Variants in STPG2 observed in about 807,000 individuals in gnomAD.
The protein encoded by STPG2 is sperm-tail PG-rich repeat-containing protein 2.
In STPG2, 56 loss-of-function variants were observed where a neutral mutation model predicts 54.2. That is an observed-to-expected ratio of 1.03 (90% CI 0.83 to 1.29). The LOEUF is 1.29. STPG2 is among the 50% of genes most tolerant of loss of function. The pLI is 0.00. For missense variants in STPG2, 596 were observed against 544.9 expected, an observed-to-expected ratio of 1.09 and a Z score of -0.93; for synonymous variants, 200 against 181.8, an observed-to-expected ratio of 1.10 and a Z score of -0.81.
intron 8 of STPG2, among the ~76,000 whole-genome samples, chr4:97,861,245 C>G (rs1047100507): frequency 6.6e-6 from 1 of 151,978 alleles, no homozygotes. Context: ...AAAAAATGCT[C>G]AATATCACTG....
chr4:97,570,874 G>C (rs970857227), intron 10 of STPG2, among the ~76,000 whole-genome samples: 1 of 152,094 alleles, frequency 6.6e-6, no homozygotes, highest in African/African-American at 2.4e-5. Context: ...ACATATCTGT[G>C]AAATATACGC....
At chr4:97,773,127 C>T (rs910070929) in intron 9 of STPG2, among the ~76,000 whole-genome samples, 1 of 152,034 alleles carries the variant, frequency 6.6e-6, no homozygotes, top group African/African-American at 2.4e-5. Flanking sequence ...TTTATGCTTT[C>T]TTAGTTTCAA....
chr4:98,026,638 G>C (rs1378899455), intron 5 of STPG2, among the ~76,000 whole-genome samples: 1 of 152,150 alleles, frequency 6.6e-6, no homozygotes, highest in Non-Finnish European at 1.5e-5. Flanking sequence ...CATTACTTCA[G>C]TTGATAACTA....
chr4:97,924,408 C>G (rs1170230552), intron 8 of STPG2, among the ~76,000 whole-genome samples: 1 of 152,194 alleles, frequency 6.6e-6, no homozygotes, highest in Non-Finnish European at 1.5e-5. Flanking sequence ...CCCCTAAAAA[C>G]TCCCAATGGG....
intron 5 of STPG2, among the ~76,000 whole-genome samples, chr4:97,984,718 G>A (rs192797695): frequency 1.8e-3 from 268 of 152,218 alleles, no homozygotes; most frequent in African/African-American, 6.1e-3. Context: ...TTTTTGAAGT[G>A]TAGTCAAAGA....
At chr4:97,998,888 G>A (rs1735325743) in intron 5 of STPG2, among the ~76,000 whole-genome samples, 1 of 152,168 alleles carries the variant, frequency 6.6e-6, no homozygotes, top group Non-Finnish European at 1.5e-5. Flanking sequence ...CCTGATCCAA[G>A]ACAGAAAGCA....
intron 5 of STPG2, among the ~76,000 whole-genome samples, chr4:98,028,493 A>T (rs1172908247): frequency 6.6e-6 from 1 of 152,224 alleles, no homozygotes; most frequent in East Asian, 1.9e-4. Context: ...AATAGTTTCA[A>T]ATAATGTCTT....
chr4:97,690,735 C>T (rs1445237946), intron 10 of STPG2, among the ~76,000 whole-genome samples: 1 of 152,070 alleles, frequency 6.6e-6, no homozygotes, highest in Non-Finnish European at 1.5e-5. Context: ...ATTAATATTT[C>T]TTTCTTTCAA....
At chr4:98,108,952 C>G (rs1578173750) in intron 4 of STPG2, among the ~76,000 whole-genome samples, 1 of 152,062 alleles carries the variant, frequency 6.6e-6, no homozygotes, top group South Asian at 2.1e-4. Context: ...ATGGGTGCAG[C>G]AAAACACTAT....
At chr4:98,134,284 T>C (rs1475085473) in intron 2 of STPG2, 63 bp downstream of exon 2, 2 of 797,434 alleles carry the variant, frequency 2.5e-6, no homozygotes, top group Non-Finnish European at 3.7e-6. Context: ...ACAAATGACA[T>C]TTGGTCTATT....
At chr4:97,859,983 C>T (rs1329458463) in intron 8 of STPG2, among the ~76,000 whole-genome samples, 1 of 152,178 alleles carries the variant, frequency 6.6e-6, no homozygotes, top group Non-Finnish European at 1.5e-5. Context: ...GAGCAGGGTT[C>T]CTTCTTTCTC....
intron 9 of STPG2, among the ~76,000 whole-genome samples, chr4:97,724,089 A>T (rs1054552465): frequency 3.3e-5 from 5 of 152,168 alleles, no homozygotes; most frequent in Non-Finnish European, 5.9e-5. Context: ...TCTGTCTCTG[A>T]ATTTTCTGTT....
chr4:97,807,824 A>G (rs1472050283), intron 9 of STPG2, among the ~76,000 whole-genome samples: 1 of 152,020 alleles, frequency 6.6e-6, no homozygotes, highest in Non-Finnish European at 1.5e-5. Flanking sequence ...AGGATACAAA[A>G]AACAAAAATA....
chr4:97,540,887 G>T (rs562750960), intron 4 of STPG2, among the ~76,000 whole-genome samples: 2 of 152,254 alleles, frequency 1.3e-5, no homozygotes, highest in South Asian at 4.2e-4. Flanking sequence ...TATCTCAATA[G>T]ATGCAGAAAA....
intron 9 of STPG2, 26 bp from the exon 10 acceptor site, chr4:97,712,840 A>G (rs1724168753): frequency 2.1e-6 from 3 of 1,460,442 alleles, no homozygotes; most frequent in Non-Finnish European, 2.8e-6. Flanking sequence ...TGTAAAAATT[A>G]TGATAAAGTA....
At chr4:98,045,664 C>T (rs1325498409) in intron 5 of STPG2, among the ~76,000 whole-genome samples, 3 of 152,102 alleles carry the variant, frequency 2.0e-5, no homozygotes, top group African/African-American at 7.2e-5. Flanking sequence ...GATTATATTA[C>T]CCTACTCCCT....
chr4:97,744,380 G>A lies in STPG2; in HGVS notation c.1205-31566C>T, dbSNP rs559301585. 3.3e-5 allele frequency among the ~76,000 whole-genome samples: 5 copies of A among 151,236 alleles called. No homozygotes were observed. The South Asian group carries it at 1.0e-3, about 31-fold the overall frequency. ...TTTAATTGTTGGGAGGAAGTAGGGA[G>A]GAGTTGAGGAATAGAAGTGTCTCAT... On this transcript the variant is annotated intron_variant, in intron 9 of 10. Transcript: ENST00000295268.
intron 5 of STPG2, among the ~76,000 whole-genome samples, chr4:97,989,766 C>T (rs570338415): frequency 2.6e-5 from 4 of 152,334 alleles, no homozygotes; most frequent in African/African-American, 9.6e-5. Context: ...GATACCCCAA[C>T]AGTCAATCTG....
At chr4:97,945,304 T>C (rs1399034147) in intron 7 of STPG2, among the ~76,000 whole-genome samples, 1 of 152,088 alleles carries the variant, frequency 6.6e-6, no homozygotes, top group African/African-American at 2.4e-5. Flanking sequence ...AGTGAAACCA[T>C]ACAGTATTTG....
Sources: gnomAD v4.1 joint callset for allele counts (sites outside exome capture counted in the v4.1 genomes callset) on GRCh38, gnomAD v4.1.1 for gene constraint, MANE v1.5 for transcripts, NCBI Gene and HGNC (gene_info 2026-07-23, HGNC 2026-07-21) for gene names.